TSPAN1: variants seen among roughly 807,000 people sequenced by gnomAD.
TSPAN1 encodes tetraspanin 1.
In TSPAN1, 23 loss-of-function variants were observed where a neutral mutation model predicts 26.9. That is an observed-to-expected ratio of 0.85 (90% CI 0.62 to 1.21). The LOEUF is 1.21. Among genes scored for constraint, TSPAN1 ranks in the 50% most tolerant of loss-of-function variants. The probability of loss-of-function intolerance (pLI) is 0.00; values close to 1 mark genes in which losing one functional copy is unlikely to be tolerated. For synonymous variants in TSPAN1, 115 were observed against 114.8 expected, an observed-to-expected ratio of 1.00 and a Z score of -0.01; for missense variants, 283 against 298.4, an observed-to-expected ratio of 0.95 and a Z score of 0.38.
the TSPAN1 span, chr1:46,194,841 C>G: frequency 6.2e-7 from 1 of 1,614,140 alleles, no homozygotes; most frequent in South Asian, 1.1e-5. Flanking sequence ...CTGATGCCGG[C>G]ACCTCCTTTT....
downstream of TSPAN1, among the ~76,000 whole-genome samples, chr1:46,186,634 C>T (rs560381772): frequency 3.3e-5 from 5 of 149,384 alleles, no homozygotes; most frequent in Non-Finnish European, 7.4e-5. Context: ...GGATTACAGG[C>T]ACCTGCCACC....
intron 1 of TSPAN1, chr1:46,176,263 G>A: frequency 6.5e-7 from 1 of 1,535,808 alleles, no homozygotes; most frequent in Non-Finnish European, 8.7e-7. Flanking sequence ...GGTGGTGTCA[G>A]TGTGGGTGTT....
rs747784296 is a variant in TSPAN1 at position 46,184,950 on chromosome 1, T to G, written c.439-10T>G. Reference sequence around the variant, plus strand: ...GCAAGGCCCCACCTCCACCCTCATCTTGTCTCCAGCTCAAGTGCTGTGGCT... The same window carrying G: ...GCAAGGCCCCACCTCCACCCTCATCGTGTCTCCAGCTCAAGTGCTGTGGCT... On this transcript the variant is annotated splice_polypyrimidine_tract_variant and intron_variant, in intron 6 of 8. Coordinates refer to ENST00000372003, the MANE Select transcript of TSPAN1 (RefSeq NM_005727.4). The G allele has an allele frequency of 2.7e-5, 43 of 1,614,098 alleles. No homozygotes were observed. Among genetic ancestry groups the G allele is most frequent in the Non-Finnish European group, 3.5e-5 (41 of 1,180,044 alleles).
At position 46,184,614 on chromosome 1, in the gene TSPAN1, C is replaced by G. The variant is rs756123643; in HGVS notation, c.285C>G (p.Leu95=). 3.3e-5 allele frequency: 54 copies of G among 1,614,094 alleles called. No individual in the cohort carries two copies. The highest frequency in any genetic ancestry group is 4.4e-5 in the Non-Finnish European group (52 of 1,180,056). ...ALVTFFFILL[L]IFIAEVAAAV... ...CTCAGTTCTTCTTCATCCTCCTCCT[C>G]ATCTTCATTGCTGAGGTTGCAGCTG... is the stretch of plus-strand genomic sequence containing the variant. The change falls in exon 5 of 9, where the codon CTC becomes CTG. Residue 95 remains leucine, a synonymous_variant. Coordinates refer to ENST00000372003, the MANE Select transcript of TSPAN1 (RefSeq NM_005727.4).
chr1:46,177,150 C>T (rs1445270286), intron 1 of TSPAN1, among the ~76,000 whole-genome samples: 1 of 152,168 alleles, frequency 6.6e-6, no homozygotes, highest in Non-Finnish European at 1.5e-5. Flanking sequence ...GCCTGGTTAA[C>T]ATGGCAAAAC....
chr1:46,184,396 C>G lies in TSPAN1; in HGVS notation c.263C>G (p.Thr88Arg). The G allele has an allele frequency of 1.2e-6, 2 of 1,614,018 alleles. No individual in the cohort carries two copies. ...ACTGAGAGCAAGTGTGCCCTCGTGA[C>G]GGTGTGTGAAACCCAGCTCCACAGG... is the stretch of plus-strand genomic sequence containing the variant. Reference protein sequence around the residue: ...AKTESKCALVTFFFILLLIFI... With the variant: ...AKTESKCALVRFFFILLLIFI... Residue 88 changes from threonine (T) to arginine (R), a missense_variant and splice_region_variant, in exon 4 of 9, where the codon ACG becomes AGG. Thr to Arg is a moderately conservative substitution (Grantham distance 71). Coordinates refer to ENST00000372003, the MANE Select transcript of TSPAN1 (RefSeq NM_005727.4).
At chr1:46,189,134 T>C, downstream of TSPAN1, 1 of 1,491,922 alleles carries the variant, frequency 6.7e-7, no homozygotes, top group Non-Finnish European at 8.9e-7. Context: ...CCCTTGGAGT[T>C]AGTAATTAAG....
chr1:46,175,886 TTC>T, intron 1 of TSPAN1: 1 of 381,872 alleles, frequency 2.6e-6, no homozygotes, highest in Non-Finnish European at 4.6e-6. Context: ...TTTTTTTTTT[TTC>T]TTGAGACAGA....
At chr1:46,189,140 T>G, downstream of TSPAN1, 2 of 1,493,852 alleles carry the variant, frequency 1.3e-6, no homozygotes, top group South Asian at 1.4e-5. Context: ...GAGTTAGTAA[T>G]TAAGTCTCAT....
chr1:46,192,102 A>G, the TSPAN1 span: 1 of 1,613,858 alleles, frequency 6.2e-7, no homozygotes, highest in Non-Finnish European at 8.5e-7. Flanking sequence ...ACTCACGTGA[A>G]AGTAGCCATT....
intron 1 of TSPAN1, among the ~76,000 whole-genome samples, 166 bp from the exon 2 acceptor site, chr1:46,180,360 C>T (rs1209157560): frequency 1.3e-5 from 2 of 152,178 alleles, no homozygotes; most frequent in Admixed American, 1.3e-4. Context: ...TCAGGAGGGG[C>T]GTTGCCCAGG....
chr1:46,179,964 A>AGTGTGTGTGTGTGTGTGTGTGTGT lies in TSPAN1; in HGVS notation c.-141-561_-141-538dup, dbSNP rs141816531. 2.3e-3 allele frequency among the ~76,000 whole-genome samples: 334 copies of AGTGTGTGTGTGTGTGTGTGTGTGT among 146,848 alleles called. 2 individuals are homozygous for AGTGTGTGTGTGTGTGTGTGTGTGT. Among genetic ancestry groups the AGTGTGTGTGTGTGTGTGTGTGTGT allele is most frequent in the African/African-American group, 7.9e-3 (313 of 39,790 alleles). ...GAGAGACAGAGAAAGAGAAAGAGGGAGTGTGTGTGTGTGTGTGTGTGTGTT... is the reference window on the plus strand; with the variant it reads ...GAGAGACAGAGAAAGAGAAAGAGGGAGTGTGTGTGTGTGTGTGTGTGTGTGTGTGTGTGTGTGTGTGTGTGTGTT... On this transcript the variant is annotated intron_variant, in intron 1 of 8. Transcript: ENST00000372003.
At chr1:46,191,716 G>T in the TSPAN1 span, 1 of 336,856 alleles carries the variant, frequency 3.0e-6, no homozygotes, top group Non-Finnish European at 5.8e-6. Context: ...CTCACAGCAA[G>T]CTTCGCCTCC....
chr1:46,179,377 C>T (rs1462147904), intron 1 of TSPAN1, among the ~76,000 whole-genome samples: 1 of 151,904 alleles, frequency 6.6e-6, no homozygotes, highest in Non-Finnish European at 1.5e-5. Flanking sequence ...ACTCTCTCGA[C>T]TTTGACCTTC....
At chr1:46,179,053 A>G (rs1657249982) in intron 1 of TSPAN1, among the ~76,000 whole-genome samples, 1 of 152,104 alleles carries the variant, frequency 6.6e-6, no homozygotes, top group South Asian at 2.1e-4. Context: ...TCAGCTAGGC[A>G]CAGTGGCTGA....
the TSPAN1 span, chr1:46,195,849 T>G: frequency 6.2e-7 from 1 of 1,611,544 alleles, no homozygotes; most frequent in Non-Finnish European, 8.5e-7. Context: ...GGCGCTACCA[T>G]GTTGAGGAAT....
At chr1:46,192,923 C>T in the TSPAN1 span, 1 of 1,614,170 alleles carries the variant, frequency 6.2e-7, no homozygotes, top group Non-Finnish European at 8.5e-7. Flanking sequence ...CAGCAATGTC[C>T]AGGTCCTCTT....
intron 1 of TSPAN1, chr1:46,176,243 T>A: frequency 6.5e-7 from 1 of 1,535,712 alleles, no homozygotes; most frequent in Non-Finnish European, 8.7e-7. Context: ...GGTGGGAAGA[T>A]CCACACTATG....
intron 3 of TSPAN1, 84 bp downstream of exon 3, chr1:46,181,248 G>C: frequency 2.9e-6 from 4 of 1,368,676 alleles, no homozygotes; most frequent in Non-Finnish European, 4.1e-6. Flanking sequence ...GGGAATGGGA[G>C]ACTGCTATGC....
Sources: gnomAD v4.1 joint callset for allele counts (sites outside exome capture counted in the v4.1 genomes callset) on GRCh38, gnomAD v4.1.1 for gene constraint, MANE v1.5 for transcripts, NCBI Gene and HGNC (gene_info 2026-07-23, HGNC 2026-07-21) for gene names.